Variants in CSNK2A2IP observed in about 807,000 individuals in gnomAD.
CSNK2A2IP encodes casein kinase 2 subunit alpha' interacting protein.
chr3:88,393,797 T>A, the CSNK2A2IP span, among the ~76,000 whole-genome samples: 1 of 152,326 alleles, frequency 6.6e-6, no homozygotes, highest in South Asian at 2.1e-4. Context: ...AAGCTGATAG[T>A]GCAGTTTGAC....
chr3:88,460,875 G>T, the CSNK2A2IP span, among the ~76,000 whole-genome samples: 1 of 151,844 alleles, frequency 6.6e-6, no homozygotes, highest in Non-Finnish European at 1.5e-5. Flanking sequence ...ATCACCCGAA[G>T]TCAGGAGTTC....
chr3:88,416,994 T>A, the CSNK2A2IP span, among the ~76,000 whole-genome samples: 1 of 151,446 alleles, frequency 6.6e-6, no homozygotes. Context: ...TTATTAAATA[T>A]TATATATATT....
chr3:88,357,285 C>T, the CSNK2A2IP span, among the ~76,000 whole-genome samples: 8 of 151,876 alleles, frequency 5.3e-5, no homozygotes, highest in African/African-American at 7.2e-5. Flanking sequence ...TTTTATATGA[C>T]GTGAGATAGG....
At chr3:88,382,040 T>C in the CSNK2A2IP span, among the ~76,000 whole-genome samples, 1 of 152,212 alleles carries the variant, frequency 6.6e-6, no homozygotes. Flanking sequence ...CCACTTTTAC[T>C]GTAGGCGTAT....
the CSNK2A2IP span, among the ~76,000 whole-genome samples, chr3:88,360,320 A>G: frequency 1.3e-5 from 2 of 151,758 alleles, no homozygotes; most frequent in East Asian, 3.9e-4. Flanking sequence ...TTTTTAGTAG[A>G]GACGGGGTTT....
the CSNK2A2IP span, among the ~76,000 whole-genome samples, chr3:88,395,060 T>C: frequency 6.6e-6 from 1 of 152,352 alleles, no homozygotes; most frequent in South Asian, 2.1e-4. Flanking sequence ...TTGTTCTGTT[T>C]ACGCATATGT....
At chr3:88,402,521 T>C in the CSNK2A2IP span, among the ~76,000 whole-genome samples, 1 of 152,102 alleles carries the variant, frequency 6.6e-6, no homozygotes, top group Non-Finnish European at 1.5e-5. Context: ...AAATGTCTAT[T>C]ACTAAAATTG....
At chr3:88,438,190 T>C in the CSNK2A2IP span, among the ~76,000 whole-genome samples, 1 of 152,212 alleles carries the variant, frequency 6.6e-6, no homozygotes, top group African/African-American at 2.4e-5. Flanking sequence ...TTTACTAGTT[T>C]CCTACTGGCT....
At chr3:88,365,898 A>G in the CSNK2A2IP span, among the ~76,000 whole-genome samples, 1 of 152,154 alleles carries the variant, frequency 6.6e-6, no homozygotes, top group Non-Finnish European at 1.5e-5. Context: ...TAACTCAGGG[A>G]AACATATTAT....
chr3:88,449,541 T>TA, the CSNK2A2IP span, among the ~76,000 whole-genome samples: 1 of 151,792 alleles, frequency 6.6e-6, no homozygotes, highest in Non-Finnish European at 1.5e-5. Context: ...CTTGAATTTT[T>TA]ATCAGTGCTT....
chr3:88,399,486 T>C, the CSNK2A2IP span: 1 of 152,346 alleles, frequency 6.6e-6, no homozygotes, highest in Non-Finnish European at 1.5e-5. Flanking sequence ...AGAGTTTAAC[T>C]TTTATGTCAA....
At chr3:88,466,939 AC>A in the CSNK2A2IP span, 1 of 1,231,528 alleles carries the variant, frequency 8.1e-7, no homozygotes, top group South Asian at 4.1e-5. Flanking sequence ...TCTACCAGAG[AC>A]TTTCTCATCT....
chr3:88,393,318 C>G, the CSNK2A2IP span, among the ~76,000 whole-genome samples: 3 of 152,084 alleles, frequency 2.0e-5, no homozygotes, highest in African/African-American at 7.2e-5. Flanking sequence ...TATTTCTCAA[C>G]CTAGACTATA....
the CSNK2A2IP span, among the ~76,000 whole-genome samples, chr3:88,351,463 G>A: frequency 1.3e-5 from 2 of 151,796 alleles, no homozygotes; most frequent in African/African-American, 4.8e-5. Context: ...TCAGACAGAG[G>A]CAAAAGCCCA....
the CSNK2A2IP span, chr3:88,465,895 T>G: frequency 8.1e-7 from 1 of 1,231,672 alleles, no homozygotes; most frequent in Non-Finnish European, 1.0e-6. Context: ...TCAAAGAGTC[T>G]CAAGTTCATC....
At chr3:88,351,487 A>G in the CSNK2A2IP span, among the ~76,000 whole-genome samples, 1 of 152,198 alleles carries the variant, frequency 6.6e-6, no homozygotes, top group Non-Finnish European at 1.5e-5. Flanking sequence ...CAAAAAAGTT[A>G]CCCTTGATCC....
chr3:88,443,144 C>T, the CSNK2A2IP span, among the ~76,000 whole-genome samples: 1 of 152,072 alleles, frequency 6.6e-6, no homozygotes, highest in Admixed American at 6.6e-5. Context: ...ATGCTTTCTT[C>T]TTTCTTATGC....
the CSNK2A2IP span, among the ~76,000 whole-genome samples, chr3:88,421,264 A>G: frequency 6.6e-6 from 1 of 152,242 alleles, no homozygotes; most frequent in South Asian, 2.1e-4. Context: ...TTCTTCATAT[A>G]TTGAAGATAC....
chr3:88,349,921 T>C, the CSNK2A2IP span, among the ~76,000 whole-genome samples: 1 of 152,094 alleles, frequency 6.6e-6, no homozygotes, highest in Non-Finnish European at 1.5e-5. Flanking sequence ...GCAATTTCAG[T>C]TTGATGCATC....
Sources: gnomAD v4.1 joint callset for allele counts (sites outside exome capture counted in the v4.1 genomes callset) on GRCh38, gnomAD v4.1.1 for gene constraint, MANE v1.5 for transcripts, NCBI Gene and HGNC (gene_info 2026-07-23, HGNC 2026-07-21) for gene names.